Variants in EPS8 observed in about 807,000 individuals in gnomAD.
The protein encoded by EPS8 is EGFR pathway substrate 8, signaling adaptor.
A neutral mutation model predicts 103.8 loss-of-function variants in EPS8; 42 were observed. The ratio of observed to expected loss-of-function variants is 0.40; its 90% CI spans 0.32 to 0.52. The LOEUF is 0.52. Ranked by LOEUF, EPS8 falls within the 20% of genes least tolerant of loss-of-function variation. The probability of loss-of-function intolerance (pLI) is 0.40; values close to 1 mark genes in which losing one functional copy is unlikely to be tolerated. For missense variants in EPS8, 969 were observed against 1,005.1 expected, an observed-to-expected ratio of 0.96 and a Z score of 0.49; for synonymous variants, 344 against 344.6, an observed-to-expected ratio of 1.00 and a Z score of 0.02.
chr12:15,627,318 T>C (rs1944966010), intron 18 of EPS8, among the ~76,000 whole-genome samples: 1 of 152,166 alleles, frequency 6.6e-6, no homozygotes, highest in South Asian at 2.1e-4. Flanking sequence ...TAATCGTTTT[T>C]TAACCTACCT....
intron 15 of EPS8, 72 bp downstream of exon 15, chr12:15,647,055 C>T: frequency 9.2e-6 from 13 of 1,412,582 alleles, no homozygotes; most frequent in Non-Finnish European, 1.3e-5. Context: ...AATACAGACA[C>T]TGTCACCTCT....
chr12:15,740,417 TGCCTGTAATCCCA>T, intron 1 of EPS8, among the ~76,000 whole-genome samples: 1 of 151,928 alleles, frequency 6.6e-6, no homozygotes, highest in East Asian at 1.9e-4. Flanking sequence ...TGGTGGTGCA[TGCCTGTAATCCCA>T]GCTACTCGGG....
Position 15,728,621 on chromosome 12 carries a change from A to C in EPS8, c.-21-45649T>G, listed in dbSNP as rs532789206. ...GCATATATCTTTTACATGAAAATAC[A>C]AGGCCTAAAATCACAGATTTTACTA... On this transcript the variant is annotated intron_variant, in intron 1 of 20. Transcript: ENST00000281172. The surrounding 1 kb of genome is among the most constrained non-coding windows in gnomAD (Gnocchi z 4.5). 6.6e-6 allele frequency among the ~76,000 whole-genome samples: 1 copy of C among 152,214 alleles called. No homozygotes were observed. Among genetic ancestry groups the C allele is most frequent in the Non-Finnish European group, 1.5e-5 (1 of 68,038 alleles).
At chr12:15,765,859 G>T (rs1016235658) in intron 1 of EPS8, among the ~76,000 whole-genome samples, 2 of 150,180 alleles carry the variant, frequency 1.3e-5, no homozygotes, top group African/African-American at 4.9e-5. Context: ...TGTCGCCCAG[G>T]CTGGAGTACA....
chr12:15,685,221 T>C (rs1946074885), intron 1 of EPS8, among the ~76,000 whole-genome samples: 1 of 152,186 alleles, frequency 6.6e-6, no homozygotes, highest in Non-Finnish European at 1.5e-5. Context: ...TGGCACTAAC[T>C]GGGCTAGGAA....
chr12:15,786,635 C>T (rs1408934404), intron 1 of EPS8, among the ~76,000 whole-genome samples: 1 of 152,038 alleles, frequency 6.6e-6, no homozygotes, highest in African/African-American at 2.4e-5. Context: ...TGTAGCTTTC[C>T]TGTAAATCCA....
At chr12:15,626,792 C>T (rs1294683021) in intron 18 of EPS8, among the ~76,000 whole-genome samples, 2 of 152,078 alleles carry the variant, frequency 1.3e-5, no homozygotes, top group Non-Finnish European at 2.9e-5. Flanking sequence ...CTCCCAATGG[C>T]TCCCTTGGTG....
At chr12:15,665,365 CTTG>C (rs1032640564) in intron 8 of EPS8, 11 of 157,152 alleles carry the variant, frequency 7.0e-5, no homozygotes, top group South Asian at 3.5e-4. Flanking sequence ...GAGTTTTGGT[CTTG>C]TTGTCCAGGC....
chr12:15,680,031 C>A (rs1945977427), intron 3 of EPS8, among the ~76,000 whole-genome samples: 2 of 152,070 alleles, frequency 1.3e-5, no homozygotes, highest in African/African-American at 2.4e-5. Flanking sequence ...TGAATACATT[C>A]TCTAGATCTA....
rs1947258226 is a variant in EPS8 at position 15,781,261 on chromosome 12, G to T, written c.-22+7900C>A. On this transcript the variant is annotated intron_variant, in intron 1 of 20. Coordinates refer to ENST00000281172, the MANE Select transcript of EPS8 (RefSeq NM_004447.6). The surrounding 1 kb of genome is among the most constrained non-coding windows in gnomAD (Gnocchi z 4.1). ...ATACACAAACTTTTTCGCTATTCTT[G>T]TTTGGCACAGTAGTAATTTGAGCAA... Among the ~76,000 whole-genome samples the T allele has an allele frequency of 6.6e-6, 1 of 152,160 alleles. No individual in the cohort carries two copies. Among genetic ancestry groups the T allele is most frequent in the South Asian group, 2.1e-4 (1 of 4,830 alleles).
rs1480646620 is a variant in EPS8, at chr12:15,716,140, T to C, written c.-21-33168A>G. On this transcript the variant is annotated intron_variant, in intron 1 of 20. Coordinates refer to ENST00000281172, the MANE Select transcript of EPS8 (RefSeq NM_004447.6). The surrounding 1 kb of genome is among the most constrained non-coding windows in gnomAD (Gnocchi z 5.0). ...GAGAGCTGAAAGAAATCTGAGAGAG[T>C]ATCCCAATTCCAATCCCTGTCATTT... is the stretch of plus-strand genomic sequence containing the variant. Among the ~76,000 whole-genome samples, 1 of 151,858 alleles carries C rather than the reference T, an allele frequency of 6.6e-6. No homozygotes were observed. The highest frequency in any genetic ancestry group is 2.4e-5 in the African/African-American group (1 of 41,300).
chr12:15,720,621 T>C (rs539808466), intron 1 of EPS8, among the ~76,000 whole-genome samples: 1 of 152,336 alleles, frequency 6.6e-6, no homozygotes, highest in South Asian at 2.1e-4. Flanking sequence ...GTCGTGTTAT[T>C]TACTTAGAAC....
chr12:15,657,317 G>A (rs1339218909), intron 12 of EPS8, among the ~76,000 whole-genome samples: 2 of 152,086 alleles, frequency 1.3e-5, no homozygotes, highest in Non-Finnish European at 2.9e-5. Context: ...TTCTCAGTGA[G>A]GCTTCCTTTA....
At chr12:15,754,791 C>A (rs929234918) in intron 1 of EPS8, among the ~76,000 whole-genome samples, 1 of 152,222 alleles carries the variant, frequency 6.6e-6, no homozygotes, top group African/African-American at 2.4e-5. Flanking sequence ...AATATTAGCT[C>A]TCTTTTTCCC....
chr12:15,702,707 G>GA lies in EPS8; in HGVS notation c.-21-19736dup, dbSNP rs1266825572. On this transcript the variant is annotated intron_variant, in intron 1 of 20. Coordinates refer to ENST00000281172, the MANE Select transcript of EPS8 (RefSeq NM_004447.6). This position sits in a 1 kb window ranked among gnomAD's most constrained non-coding sequence, Gnocchi z 5.1. ...ATCCAATACAATATATAAATATGAA[G>GA]AAAAAAATTGCATGCTTAATATTTT... Among the ~76,000 whole-genome samples, 1 of 150,564 alleles carries GA rather than the reference G, an allele frequency of 6.6e-6. No homozygotes were observed.
rs555750593 is a variant in EPS8 at position 15,706,363 on chromosome 12, G to A, written c.-21-23391C>T. Among the ~76,000 whole-genome samples the A allele has an allele frequency of 2.6e-5, 4 of 152,268 alleles. No individual in the cohort carries two copies. Among genetic ancestry groups the A allele is most frequent in the South Asian group, 4.1e-4 (2 of 4,822 alleles). On this transcript the variant is annotated intron_variant, in intron 1 of 20. Coordinates refer to ENST00000281172, the MANE Select transcript of EPS8 (RefSeq NM_004447.6). The surrounding 1 kb of genome is among the most constrained non-coding windows in gnomAD (Gnocchi z 5.2). Reference sequence around the variant, plus strand: ...GACAATGCCAAGTTCTTCCTTCCTCGAGGCCTATCACACTTGTCTAGAATA... The same window carrying A: ...GACAATGCCAAGTTCTTCCTTCCTCAAGGCCTATCACACTTGTCTAGAATA...
intron 2 of EPS8, 34 bp from the exon 3 acceptor site, chr12:15,681,336 T>TAATA: frequency 1.1e-6 from 1 of 923,996 alleles, no homozygotes; most frequent in Non-Finnish European, 1.5e-6. Flanking sequence ...ATAATAATAA[T>TAATA]ATAAAAAGGT....
At chr12:15,632,412 T>C (rs1158705133) in intron 17 of EPS8, among the ~76,000 whole-genome samples, 1 of 152,230 alleles carries the variant, frequency 6.6e-6, no homozygotes, top group African/African-American at 2.4e-5. Context: ...TTTGTGCATA[T>C]TCCCTATTTA....
chr12:15,662,337 T>C (rs989884791), intron 8 of EPS8: 2 of 1,246,790 alleles, frequency 1.6e-6, no homozygotes, highest in East Asian at 6.9e-5. Context: ...TTAATTTACC[T>C]TGTAATATCA....
Sources: allele counts gnomAD v4.1 joint callset (sites outside exome capture counted in the v4.1 genomes callset), GRCh38; gene constraint gnomAD v4.1.1; non-coding constraint Gnocchi (gnomAD v3.1); transcripts MANE v1.5; gene names NCBI Gene and HGNC (gene_info 2026-07-23, HGNC 2026-07-21).